Variants in AGPAT5 observed in about 807,000 individuals in gnomAD.
AGPAT5 encodes the protein 1-acyl-sn-glycerol-3-phosphate acyltransferase epsilon.
In AGPAT5, 46 loss-of-function variants were observed where a neutral mutation model predicts 45.6. The observed-to-expected ratio is 1.01, with a 90% CI of 0.80 to 1.29. The LOEUF is 1.29. Ranked by LOEUF, AGPAT5 falls within the 50% of genes most tolerant of loss-of-function variation. The pLI is 0.00. For synonymous variants in AGPAT5, 272 were observed against 167.0 expected (o/e 1.63, Z -4.85); for missense variants, 673 against 450.7 (o/e 1.49, Z -4.47).
chr8:6,716,315 T>C (rs1463482936), intron 1 of AGPAT5, among the ~76,000 whole-genome samples: 1 of 152,070 alleles, frequency 6.6e-6, no homozygotes, highest in Non-Finnish European at 1.5e-5. Flanking sequence ...TCCCAGCATT[T>C]TGGGAGGCCA....
chr8:6,740,449 C>T (rs1359030928), intron 4 of AGPAT5, among the ~76,000 whole-genome samples: 6 of 149,014 alleles, frequency 4.0e-5, no homozygotes, highest in Non-Finnish European at 5.9e-5. Flanking sequence ...GGTGAATCTT[C>T]ATTATTAAAT....
rs570017791 is a variant in AGPAT5 at position 6,755,152 on chromosome 8, G to A, written c.847G>A (p.Glu283Lys). ...AGAACATATGAGAAGATGGCTGCAT[G>A]AACGTTTCGAAATCAAAGATAAGTG... ...EQEHMRRWLH[E>K]RFEIKDKMLI... Residue 283 changes from glutamate to lysine, a missense_variant, in exon 7 of 8, where the codon GAA (glutamate) becomes AAA (lysine). Coordinates refer to ENST00000285518, the MANE Select transcript of AGPAT5 (RefSeq NM_018361.5). 1 of 1,600,754 alleles carries A rather than the reference G, an allele frequency of 6.2e-7. No homozygotes were observed. The highest frequency in any genetic ancestry group is 8.5e-7 in the Non-Finnish European group (1 of 1,177,728).
chr8:6,709,715 T>C (rs1376749034), intron 1 of AGPAT5, among the ~76,000 whole-genome samples: 1 of 152,198 alleles, frequency 6.6e-6, no homozygotes, highest in East Asian at 1.9e-4. Flanking sequence ...TTTTGTCTTT[T>C]TAACTTTTTT....
intron 1 of AGPAT5, among the ~76,000 whole-genome samples, chr8:6,716,271 A>G (rs1423357768): frequency 6.6e-6 from 1 of 152,124 alleles, no homozygotes; most frequent in African/African-American, 2.4e-5. Flanking sequence ...AAAATGGTGG[A>G]GTAGTCTGGG....
chr8:6,729,720 G>A (rs1275476705), intron 2 of AGPAT5, among the ~76,000 whole-genome samples: 2 of 152,110 alleles, frequency 1.3e-5, no homozygotes, highest in Non-Finnish European at 2.9e-5. Flanking sequence ...TCTCTGTGTT[G>A]GAAATTTTTT....
At position 6,723,061 on chromosome 8, in the gene AGPAT5, A is replaced by T. The variant is rs183633605; in HGVS notation, c.220-1809A>T. Among the ~76,000 whole-genome samples, 156 of 152,358 alleles carry T rather than the reference A, an allele frequency of 1.0e-3. 1 individual carries two copies. In the Middle Eastern group the frequency reaches 0.02, roughly 20 times the overall value. On this transcript the variant is annotated intron_variant, in intron 1 of 7. Transcript: ENST00000285518. ...AAATGAGTACTAGATTTACAGAATG[A>T]AGCCTTTAAAAAGTCACTGGTGCAC... is the stretch of plus-strand genomic sequence containing the variant.
intron 4 of AGPAT5, 103 bp from the exon 5 acceptor site, chr8:6,741,558 T>C: frequency 1.4e-6 from 1 of 720,330 alleles, no homozygotes; most frequent in Non-Finnish European, 2.3e-6. Flanking sequence ...TCTCCTACTG[T>C]AGGAAATACT....
chr8:6,711,421 C>G (rs979352303), intron 1 of AGPAT5, among the ~76,000 whole-genome samples: 1 of 152,226 alleles, frequency 6.6e-6, no homozygotes, highest in Non-Finnish European at 1.5e-5. Flanking sequence ...TTAGGTCCTT[C>G]CAGAATCTCT....
intron 1 of AGPAT5, among the ~76,000 whole-genome samples, chr8:6,714,422 T>G (rs544302749): frequency 3.9e-4 from 60 of 152,330 alleles, no homozygotes; most frequent in Middle Eastern, 6.8e-3. Context: ...CTTACTAGAC[T>G]TATAGGAAAA....
chr8:6,709,200 G>A (rs1475513840), intron 1 of AGPAT5: 1 of 419,258 alleles, frequency 2.4e-6, no homozygotes, highest in Non-Finnish European at 4.5e-6. Flanking sequence ...TAGGGCACGC[G>A]TTTAGCAGTT....
Position 6,708,887 on chromosome 8 carries a change from G to C in AGPAT5, c.219G>C (p.Gln73His). ...TCTTCGAGAATTACACCGGGGTCCAGGTGAGCCGCCTCCCGCTCCCGGGTC... is the reference window on the plus strand; with the variant it reads ...TCTTCGAGAATTACACCGGGGTCCACGTGAGCCGCCTCCCGCTCCCGGGTC... Reference protein sequence around the residue: ...LFFFENYTGVQILLYGDLPKN... With the variant: ...LFFFENYTGVHILLYGDLPKN... The change falls in exon 1 of 8, where the codon CAG becomes CAC. Residue 73 changes from glutamine to histidine, a missense_variant and splice_region_variant. Physicochemically the swap from Gln to His is conservative, Grantham distance 24 (BLOSUM62 0). Coordinates refer to ENST00000285518, the MANE Select transcript of AGPAT5 (RefSeq NM_018361.5). 6.2e-7 allele frequency: 1 copy of C among 1,600,532 alleles called. No homozygotes were observed. Among genetic ancestry groups the C allele is most frequent in the South Asian group, 1.1e-5 (1 of 90,370 alleles).
At chr8:6,733,416 C>T (rs7816242) in intron 4 of AGPAT5, among the ~76,000 whole-genome samples, 61,360 of 152,068 alleles carry the variant, frequency 0.4, 12,866 homozygotes, top group Non-Finnish European at 0.46. Flanking sequence ...GAATTCTTCA[C>T]GGTCAGCTGG....
At chr8:6,744,363 G>C (rs188192369) in intron 5 of AGPAT5, among the ~76,000 whole-genome samples, 6 of 152,208 alleles carry the variant, frequency 3.9e-5, no homozygotes, top group Non-Finnish European at 7.3e-5. Flanking sequence ...TCTTAAGAAG[G>C]TGTGTTTGCT....
chr8:6,760,467 T>C lies in AGPAT5; in HGVS notation c.*3079T>C, dbSNP rs911820079. Among the ~76,000 whole-genome samples, 1 of 152,058 alleles carries C rather than the reference T, an allele frequency of 6.6e-6. No homozygotes were observed. The highest frequency in any genetic ancestry group is 2.1e-4 in the South Asian group (1 of 4,824). The stretch of plus-strand genomic sequence containing the variant: ...ATAGACACACAGTAACTCCCAGATA[T>C]GTACCACAAAAAATGTGAAAAGAGA... On this transcript the variant is annotated 3_prime_UTR_variant, in exon 8 of 8. Coordinates refer to ENST00000285518, the MANE Select transcript of AGPAT5 (RefSeq NM_018361.5).
intron 7 of AGPAT5, among the ~76,000 whole-genome samples, chr8:6,755,420 C>G (rs963160976): frequency 2.0e-5 from 3 of 152,180 alleles, no homozygotes; most frequent in African/African-American, 7.2e-5. Flanking sequence ...TACGTGATAA[C>G]ATAGCAAATT....
In AGPAT5 at chr8:6,744,341, C is replaced by T. The variant is rs147329676; in HGVS notation, c.586+2590C>T. On this transcript the variant is annotated intron_variant, in intron 5 of 7. Coordinates refer to ENST00000285518, the MANE Select transcript of AGPAT5 (RefSeq NM_018361.5). ...GCTAGTGCTCAGCTTTGTGTGGTAA[C>T]GGCACTCTCGCTCTTAAGAAGGTGT... Among the ~76,000 whole-genome samples, 112 of 152,302 alleles carry T rather than the reference C, an allele frequency of 7.4e-4. No homozygotes were observed. The East Asian group carries it at 0.01, about 14-fold the overall frequency.
intron 7 of AGPAT5, among the ~76,000 whole-genome samples, chr8:6,756,651 T>A (rs537020860): frequency 3.9e-4 from 60 of 151,978 alleles, no homozygotes; most frequent in African/African-American, 1.4e-3. Flanking sequence ...TATGCATATG[T>A]TATATTCAAA....
At chr8:6,713,378 C>G (rs1444843498) in intron 1 of AGPAT5, among the ~76,000 whole-genome samples, 1 of 152,168 alleles carries the variant, frequency 6.6e-6, no homozygotes, top group Non-Finnish European at 1.5e-5. Flanking sequence ...CTAATTCCCC[C>G]TTCTCCAAAT....
intron 4 of AGPAT5, among the ~76,000 whole-genome samples, chr8:6,733,342 C>T (rs1337033304): frequency 1.3e-5 from 2 of 152,184 alleles, no homozygotes; most frequent in Non-Finnish European, 2.9e-5. Flanking sequence ...TGTCTTCCCT[C>T]CTCTCCTCCT....
Sources: allele counts gnomAD v4.1 joint callset (sites outside exome capture counted in the v4.1 genomes callset), GRCh38; gene constraint gnomAD v4.1.1; transcripts MANE v1.5; gene names NCBI Gene and HGNC (gene_info 2026-07-23, HGNC 2026-07-21).